Variants in ACOT7 observed in about 807,000 individuals in gnomAD.
The protein encoded by ACOT7 is acyl-CoA thioesterase 7, also known as cytosolic acyl coenzyme A thioester hydrolase.
A neutral mutation model predicts 40.2 loss-of-function variants in ACOT7; 12 were observed. That is an observed-to-expected ratio of 0.30 (90% CI 0.19 to 0.48). The LOEUF is 0.48. ACOT7 is among the 20% of genes least tolerant of loss of function. The pLI, the probability that ACOT7 is intolerant of heterozygous loss-of-function variation, is 0.99. For missense variants in ACOT7, 395 were observed against 530.8 expected, an observed-to-expected ratio of 0.74 and a Z score of 2.51; for synonymous variants, 228 against 219.5, an observed-to-expected ratio of 1.04 and a Z score of -0.34.
intron 1 of ACOT7, among the ~76,000 whole-genome samples, chr1:6,353,968 C>T (rs1641668077): frequency 6.6e-6 from 1 of 152,192 alleles, no homozygotes; most frequent in African/African-American, 2.4e-5. Context: ...CGGGTCCTGG[C>T]AGCCAGTGAC....
In ACOT7 at chr1:6,364,773, G is replaced by A. The variant is rs191169489; in HGVS notation, c.144-14907C>T. ...TGAGGCAGGAGAATCACTTGAACCC[G>A]GGAGGCGGAGGTTGCAGTGAGCCAA... On this transcript the variant is annotated intron_variant, in intron 1 of 8. Transcript: ENST00000361521. Among the ~76,000 whole-genome samples, 1,497 of 150,240 alleles carry A rather than the reference G, an allele frequency of 1.0e-2. 34 individuals are homozygous for A. Among genetic ancestry groups the A allele is most frequent in the African/African-American group, 0.035 (1,412 of 40,534 alleles).
intron 7 of ACOT7, among the ~76,000 whole-genome samples, chr1:6,292,578 C>T (rs984409012): frequency 1.3e-5 from 2 of 152,160 alleles, no homozygotes; most frequent in African/African-American, 2.4e-5. Flanking sequence ...TTAATGATTC[C>T]TATTGACCAA....
intron 6 of ACOT7, among the ~76,000 whole-genome samples, chr1:6,318,192 T>A (rs1391653617): frequency 6.6e-6 from 1 of 152,170 alleles, no homozygotes; most frequent in African/African-American, 2.4e-5. Context: ...GTAGCTGGGA[T>A]CACAGGTGCA....
chr1:6,349,686 C>T, intron 2 of ACOT7, 63 bp downstream of exon 2: 2 of 1,512,278 alleles, frequency 1.3e-6, no homozygotes, highest in South Asian at 2.4e-5. Context: ...CCGGGGAACT[C>T]CTGTCCTGAA....
chr1:6,302,385 C>T (rs74049528), intron 6 of ACOT7, among the ~76,000 whole-genome samples: 3,330 of 152,204 alleles, frequency 0.022, 129 homozygotes, highest in African/African-American at 0.076. Flanking sequence ...ACACTTAGAA[C>T]GGTCCAAAAA....
In ACOT7 at chr1:6,345,407, C is replaced by A. The variant is rs113282391; in HGVS notation, c.261+4342G>T. On this transcript the variant is annotated intron_variant, in intron 2 of 8. Transcript: ENST00000361521. The stretch of plus-strand genomic sequence containing the variant: ...GCCCTGGGTTCAAATCCTAGCTCTA[C>A]TGCTTACTAGCTCTGTGACCTTGTG... Among the ~76,000 whole-genome samples the A allele has an allele frequency of 3.7e-3, 559 of 152,384 alleles. 4 individuals are homozygous for A. The highest frequency in any genetic ancestry group is 0.013 in the African/African-American group (540 of 41,594).
chr1:6,370,462 A>G (rs1224642304), intron 1 of ACOT7, among the ~76,000 whole-genome samples: 3 of 80,966 alleles, frequency 3.7e-5, no homozygotes, highest in East Asian at 4.4e-4. Flanking sequence ...TGTTAGTATT[A>G]TTATTATTAT....
chr1:6,362,989 A>C (rs1314686902), intron 1 of ACOT7, among the ~76,000 whole-genome samples: 1 of 152,226 alleles, frequency 6.6e-6, no homozygotes, highest in Non-Finnish European at 1.5e-5. Context: ...TTTCCAGTAT[A>C]ATAAAATATA....
intron 1 of ACOT7, chr1:6,385,936 G>T: frequency 1.1e-6 from 1 of 915,024 alleles, no homozygotes; most frequent in Non-Finnish European, 1.5e-6. Context: ...CACAGACAGG[G>T]AAACAGGACA....
chr1:6,342,710 C>A (rs1231568518), intron 2 of ACOT7, among the ~76,000 whole-genome samples: 1 of 152,210 alleles, frequency 6.6e-6, no homozygotes, highest in Non-Finnish European at 1.5e-5. Flanking sequence ...TGGGGCACCC[C>A]CAGTTGATTC....
At chr1:6,304,649 G>A (rs1416192369) in intron 6 of ACOT7, among the ~76,000 whole-genome samples, 24 of 131,432 alleles carry the variant, frequency 1.8e-4, no homozygotes, top group African/African-American at 2.9e-4. Context: ...ATCTTGCACC[G>A]CCCTTAATCC....
intron 5 of ACOT7, among the ~76,000 whole-genome samples, chr1:6,324,612 C>A (rs1244762939): frequency 2.0e-5 from 3 of 152,140 alleles, no homozygotes; most frequent in Non-Finnish European, 2.9e-5. Context: ...GCTGCCCACA[C>A]CCCCCGGGGT....
intron 1 of ACOT7, chr1:6,360,650 C>T: frequency 1.2e-6 from 2 of 1,614,228 alleles, no homozygotes. Flanking sequence ...GAAGCAGGAG[C>T]ATCGTCTCCC....
chr1:6,308,377 C>T (rs1379940478), intron 6 of ACOT7, among the ~76,000 whole-genome samples: 2 of 149,384 alleles, frequency 1.3e-5, no homozygotes, highest in East Asian at 2.0e-4. Context: ...GGGGGAACAG[C>T]GACCAGAGAG....
intron 3 of ACOT7, among the ~76,000 whole-genome samples, chr1:6,333,948 T>C (rs1376140814): frequency 2.0e-5 from 3 of 152,074 alleles, no homozygotes. Flanking sequence ...CTGAGAAGAC[T>C]TCAGACCACG....
chr1:6,265,115 T>C (rs940154062), intron 8 of ACOT7, among the ~76,000 whole-genome samples: 11 of 152,286 alleles, frequency 7.2e-5, no homozygotes, highest in Non-Finnish European at 1.5e-4. Flanking sequence ...GAAAATGCAC[T>C]TGATAATGAA....
chr1:6,273,302 G>A (rs932192915), intron 8 of ACOT7, among the ~76,000 whole-genome samples: 4 of 152,180 alleles, frequency 2.6e-5, no homozygotes, highest in African/African-American at 2.4e-5. Flanking sequence ...TCTCATCTGC[G>A]CCAACCTCCT....
At chr1:6,284,085 G>A (rs1270853564) in intron 7 of ACOT7, among the ~76,000 whole-genome samples, 1 of 152,232 alleles carries the variant, frequency 6.6e-6, no homozygotes, top group African/African-American at 2.4e-5. Context: ...ACAAGTCCCA[G>A]TCACCAAGAG....
At chr1:6,339,715 G>T (rs1453958482) in intron 2 of ACOT7, 126 bp from the exon 3 acceptor site, 74 of 947,236 alleles carry the variant, frequency 7.8e-5, no homozygotes, top group East Asian at 1.2e-4. Flanking sequence ...AGCAACCAAT[G>T]TATCACCATT....
Sources: gnomAD v4.1 joint callset for allele counts (sites outside exome capture counted in the v4.1 genomes callset) on GRCh38, gnomAD v4.1.1 for gene constraint, MANE v1.5 for transcripts, NCBI Gene and HGNC (gene_info 2026-07-23, HGNC 2026-07-21) for gene names.